The following DHRSX variants were observed in gnomAD, a reference collection of about 807,000 sequenced individuals.
DHRSX encodes the protein polyprenol dehydrogenase.
In DHRSX, 31 loss-of-function variants were observed where a neutral mutation model predicts 34.0. That is an observed-to-expected ratio of 0.91 (90% CI 0.69 to 1.23). The LOEUF is 1.23. Ranked by LOEUF, DHRSX falls within the 50% of genes most tolerant of loss-of-function variation. The pLI, the probability that DHRSX is intolerant of heterozygous loss-of-function variation, is 0.00. For missense variants in DHRSX, 414 were observed against 428.1 expected (o/e 0.97, Z 0.29); for synonymous variants, 201 against 183.8 (o/e 1.09, Z -0.76).
chrX:2,250,111 G>A (rs757195179), intron 5 of DHRSX, among the ~76,000 whole-genome samples: 8 of 144,886 alleles, frequency 5.5e-5, no homozygotes, highest in South Asian at 4.4e-4. Flanking sequence ...GCAGTGAGCC[G>A]AGATCACGCC....
intron 3 of DHRSX, among the ~76,000 whole-genome samples, chrX:2,391,079 C>G (rs2043330393): frequency 6.6e-6 from 1 of 152,238 alleles, no homozygotes; most frequent in Non-Finnish European, 1.5e-5. Flanking sequence ...TTTCTCTCCA[C>G]CTTCGGGTTA....
Position 2,471,551 on chromosome X carries a change from C to T in DHRSX, c.109+29266G>A, listed in dbSNP as rs191655860. Among the ~76,000 whole-genome samples the T allele has an allele frequency of 3.2e-3, 439 of 137,696 alleles. 8 individuals carry two copies. The highest frequency in any genetic ancestry group is 0.011 in the African/African-American group (382 of 35,160). The allele number at this position is 137,696 out of a possible 152,430, so 90.3% of individuals were successfully genotyped here. A position where few individuals can be genotyped will look rare whatever the true frequency, so the allele number is the denominator to read the frequency against. ...TGCACTGCAGCCTGGGCAACAAGAGCAAAACTCCATCTCAAAAAAAAAAAA... is the reference window on the plus strand; with the variant it reads ...TGCACTGCAGCCTGGGCAACAAGAGTAAAACTCCATCTCAAAAAAAAAAAA... On this transcript the variant is annotated intron_variant, in intron 1 of 6. Coordinates refer to ENST00000334651, the MANE Select transcript of DHRSX (RefSeq NM_145177.3).
rs1194407878 is a variant in DHRSX at position 2,475,239 on chromosome X, G to C, written c.109+25578C>G. On this transcript the variant is annotated intron_variant, in intron 1 of 6. Transcript: ENST00000334651. ...GCTGGCACTGAAGACGTTCCCCTAGGCATAATGACCAAGGGACCCCACTGT... is the reference window on the plus strand; with the variant it reads ...GCTGGCACTGAAGACGTTCCCCTAGCCATAATGACCAAGGGACCCCACTGT... 2.0e-5 allele frequency among the ~76,000 whole-genome samples: 3 copies of C among 149,140 alleles called. No homozygotes were observed. The East Asian group carries it at 6.2e-4, about 31-fold the overall frequency.
intron 1 of DHRSX, among the ~76,000 whole-genome samples, chrX:2,491,066 G>GT (rs900738620): frequency 0.3 from 33,313 of 109,996 alleles, 6,111 homozygotes; most frequent in Admixed American, 0.41. Flanking sequence ...AGTGCCTTTA[G>GT]TTTTTTTTTT....
intron 1 of DHRSX, among the ~76,000 whole-genome samples, chrX:2,483,328 T>G (rs6567582): frequency 0.32 from 48,265 of 151,618 alleles, 8,507 homozygotes; most frequent in African/African-American, 0.46. Context: ...CAGTGGTATG[T>G]TCACAGCTCA....
In DHRSX at chrX:2,243,788, G is replaced by GTTTTT. The variant is rs778957532; in HGVS notation, c.597-563_597-559dup. Reference sequence around the variant, plus strand: ...ACAGGCAGGAGCCACTATGCTCCCTGTTTTTTTTTTTTTTTTTTTTTTTTT... The same window carrying GTTTTT: ...ACAGGCAGGAGCCACTATGCTCCCTGTTTTTTTTTTTTTTTTTTTTTTTTTTTTTT... On this transcript the variant is annotated intron_variant, in intron 5 of 6. Transcript: ENST00000334651. 9.9e-4 allele frequency among the ~76,000 whole-genome samples: 25 copies of GTTTTT among 25,164 alleles called. 1 individual carries two copies. Among genetic ancestry groups the GTTTTT allele is most frequent in the South Asian group, 9.9e-3 (4 of 406 alleles). 16.5% of individuals were successfully genotyped at this position (25,164 alleles called of 152,430 possible). A position where few individuals can be genotyped will look rare whatever the true frequency, so the allele number is the denominator to read the frequency against.
chrX:2,448,563 T>A (rs28469201), intron 1 of DHRSX, among the ~76,000 whole-genome samples: 91,669 of 147,072 alleles, frequency 0.62, 30,253 homozygotes, highest in African/African-American at 0.85. Flanking sequence ...ATTAGCTTGA[T>A]TGTTAATGTG....
intron 4 of DHRSX, among the ~76,000 whole-genome samples, chrX:2,269,019 C>T (rs2041512630): frequency 6.6e-6 from 1 of 152,172 alleles, no homozygotes; most frequent in Admixed American, 6.5e-5. Context: ...CAATATGGAG[C>T]TATATTGATA....
intron 4 of DHRSX, among the ~76,000 whole-genome samples, chrX:2,271,682 A>G (rs2041556984): frequency 6.6e-6 from 1 of 152,332 alleles, no homozygotes; most frequent in East Asian, 1.9e-4. Flanking sequence ...ACACTCCTAC[A>G]GTCCTCAAAG....
At position 2,500,825 on chromosome X, in the gene DHRSX, A is replaced by G; in HGVS notation, c.101T>C (p.Leu34Pro). The change falls in exon 1 of 7, where the codon CTG (leucine) becomes CCG (proline). Residue 34 changes from leucine (L) to proline (P), a missense_variant. Physicochemically the swap from Leu to Pro is moderately conservative, Grantham distance 98. Transcript: ENST00000334651. ...TGCCCCGCCCCGCTGACCTGGCTCC[A>G]GGAAGCCCCCGCGGCAGCGCCGCAG... ...QLLRRCRGGF[L>P]EPVFPPRPDR... is the part of the protein sequence containing the mutation. 9.1e-7 allele frequency: 1 copy of G among 1,097,002 alleles called. No homozygotes were observed. The highest frequency in any genetic ancestry group is 5.9e-5 in the Admixed American group (1 of 16,846). 68.0% of individuals were successfully genotyped at this position (1,097,002 alleles called of 1,614,324 possible). A position where few individuals can be genotyped will look rare whatever the true frequency, so the allele number is the denominator to read the frequency against.
chrX:2,232,030 T>TA (rs371829458), intron 6 of DHRSX, among the ~76,000 whole-genome samples: 2 of 26,594 alleles, frequency 7.5e-5, no homozygotes, highest in Admixed American at 3.3e-4. Flanking sequence ...CCTTCTTCCT[T>TA]CTCCTCCTTT....
intron 1 of DHRSX, 109 bp from the exon 2 acceptor site, chrX:2,425,413 T>A (rs2141812): frequency 0.77 from 708,576 of 922,930 alleles, 276,096 homozygotes; most frequent in East Asian, 0.99. Flanking sequence ...TTATGGTTCA[T>A]TTATTTCTGG....
chrX:2,346,736 G>C (rs1344563827), intron 3 of DHRSX, among the ~76,000 whole-genome samples: 6 of 151,882 alleles, frequency 4.0e-5, no homozygotes, highest in Admixed American at 6.6e-5. Context: ...TGCCATGGTG[G>C]TTTGCTGCAC....
intron 3 of DHRSX, among the ~76,000 whole-genome samples, chrX:2,344,841 T>C (rs1207010693): frequency 1.4e-5 from 2 of 142,218 alleles, no homozygotes; most frequent in African/African-American, 5.2e-5. Context: ...TCTGCACATG[T>C]ACCCCAGAAC....
intron 3 of DHRSX, among the ~76,000 whole-genome samples, chrX:2,360,450 GT>G (rs1362155860): frequency 6.6e-6 from 1 of 152,082 alleles, no homozygotes; most frequent in East Asian, 1.9e-4. Flanking sequence ...AGGTGTGGTG[GT>G]GCGTGCCTGT....
At chrX:2,288,204 A>G (rs2041827958) in intron 4 of DHRSX, among the ~76,000 whole-genome samples, 1 of 151,984 alleles carries the variant, frequency 6.6e-6, no homozygotes, top group Admixed American at 6.6e-5. Flanking sequence ...CAAGAAAGAG[A>G]GATTCAAAGG....
intron 4 of DHRSX, among the ~76,000 whole-genome samples, chrX:2,268,744 TTA>T (rs1312581389): frequency 2.0e-5 from 3 of 152,382 alleles, no homozygotes; most frequent in East Asian, 3.9e-4. Flanking sequence ...TATGTATATA[TTA>T]TATGTTTCTA....
intron 3 of DHRSX, among the ~76,000 whole-genome samples, chrX:2,346,720 T>G (rs73630282): frequency 0.031 from 4,671 of 151,958 alleles, 209 homozygotes; most frequent in African/African-American, 0.1. Context: ...TACATAGGTA[T>G]CCATGTGCCA....
chrX:2,267,075 T>A (rs2041485387), intron 4 of DHRSX, 128 bp from the exon 5 acceptor site: 1 of 887,422 alleles, frequency 1.1e-6, no homozygotes. Context: ...GGCGGCCATG[T>A]CTTCCTCCTG....
Sources: allele counts gnomAD v4.1 joint callset (sites outside exome capture counted in the v4.1 genomes callset), GRCh38; gene constraint gnomAD v4.1.1; transcripts MANE v1.5; gene names NCBI Gene and HGNC (gene_info 2026-07-23, HGNC 2026-07-21).